Variants in ESRP1 observed in about 807,000 individuals in gnomAD.
The protein encoded by ESRP1 is RNA-binding motif protein 35A.
Under a neutral mutation model 81.7 loss-of-function variants are expected in ESRP1, and 33 were observed. That is an observed-to-expected ratio of 0.40 (90% CI 0.31 to 0.54). The LOEUF (loss-of-function observed/expected upper bound fraction) is 0.54. Among genes scored for constraint, ESRP1 ranks in the 20% least tolerant of loss-of-function variants. ESRP1 has a pLI of 0.41. For synonymous variants in ESRP1, 320 were observed against 303.3 expected, an observed-to-expected ratio of 1.06 and a Z score of -0.57; for missense variants, 672 against 833.1, an observed-to-expected ratio of 0.81 and a Z score of 2.38.
At chr8:94,700,696 G>A (rs1809788090) in intron 15 of ESRP1, among the ~76,000 whole-genome samples, 1 of 152,174 alleles carries the variant, frequency 6.6e-6, no homozygotes, top group Non-Finnish European at 1.5e-5. Context: ...TTGGGAGGCT[G>A]AGGCGGGCGG....
Position 94,668,131 on chromosome 8 carries a change from G to T in ESRP1, c.1114G>T (p.Asp372Tyr), listed in dbSNP as rs1270546828. 1 of 1,614,034 alleles carries T rather than the reference G, an allele frequency of 6.2e-7. No homozygotes were observed. The highest frequency in any genetic ancestry group is 1.7e-5 in the Admixed American group (1 of 60,016). The change falls in exon 10 of 16, where the codon GAC becomes TAC. Residue 372 changes from aspartate to tyrosine, a missense_variant. Transcript: ENST00000433389. ...CTACCCAGATGGTAGGCCAACAGGG[G>T]ACGCTTTTGTCCTCTTTGCCTGTGA... ...VTYPDGRPTG[D>Y]AFVLFACEEY...
At chr8:94,644,471 T>C (rs3133631) in intron 3 of ESRP1, among the ~76,000 whole-genome samples, 149,388 of 152,326 alleles carry the variant, frequency 0.98, 73,325 homozygotes, top group East Asian at 1. Context: ...CAGAAAATCA[T>C]TCCTTTTATA....
Position 94,668,027 on chromosome 8 carries a change from C to A in ESRP1, c.1010C>A (p.Ala337Asp). The part of the protein sequence containing the change: ...IVRMRGLPFT[A>D]TAEEVVAFFG... Reference sequence around the variant, plus strand: ...CGCATGCGGGGGCTCCCTTTCACGGCCACAGCTGAAGAAGTGGTGGCCTTC... The same window carrying A: ...CGCATGCGGGGGCTCCCTTTCACGGACACAGCTGAAGAAGTGGTGGCCTTC... The change falls in exon 10 of 16, where the codon GCC becomes GAC. Residue 337 changes from alanine to aspartate, a missense_variant. Physicochemically the swap from Ala to Asp is moderately radical, Grantham distance 126. Coordinates refer to ENST00000433389, the MANE Select transcript of ESRP1 (RefSeq NM_017697.4). 1 of 1,613,846 alleles carries A rather than the reference C, an allele frequency of 6.2e-7. No homozygotes were observed. Among genetic ancestry groups the A allele is most frequent in the Non-Finnish European group, 8.5e-7 (1 of 1,179,794 alleles).
chr8:94,704,175 C>CTTT (rs34541416), intron 15 of ESRP1, among the ~76,000 whole-genome samples: 66,213 of 128,636 alleles, frequency 0.51, 18,487 homozygotes, highest in African/African-American at 0.7. Context: ...GCTTCTGAGA[C>CTTT]TTTTTTTTTT....
intron 14 of ESRP1, 27 bp from the exon 15 acceptor site, chr8:94,696,825 T>C: frequency 6.6e-7 from 1 of 1,513,774 alleles, no homozygotes; most frequent in Non-Finnish European, 9.0e-7. Flanking sequence ...CGTCTTTTGA[T>C]CTTGTTTGTT....
intron 4 of ESRP1, among the ~76,000 whole-genome samples, chr8:94,653,774 T>C (rs2130569132): frequency 6.6e-6 from 1 of 151,470 alleles, no homozygotes; most frequent in Non-Finnish European, 1.5e-5. Flanking sequence ...CACCGAATCC[T>C]CATTGGTACT....
chr8:94,642,482 G>A (rs530859676), intron 2 of ESRP1, among the ~76,000 whole-genome samples: 1 of 152,246 alleles, frequency 6.6e-6, no homozygotes, highest in Non-Finnish European at 1.5e-5. Context: ...GCGCTGTGGC[G>A]TAGACGTGCA....
intron 4 of ESRP1, among the ~76,000 whole-genome samples, chr8:94,652,010 T>TTTTGA (rs1216503816): frequency 1.4e-5 from 2 of 141,344 alleles, no homozygotes; most frequent in African/African-American, 5.7e-5. Flanking sequence ...TTTTTTTTTT[T>TTTTGA]GACAGAGTTT....
At position 94,646,282 on chromosome 8, in the gene ESRP1, T is replaced by G; in HGVS notation, c.490T>G (p.Tyr164Asp). 1 of 1,574,520 alleles carries G rather than the reference T, an allele frequency of 6.4e-7. No homozygotes were observed. The highest frequency in any genetic ancestry group is 8.7e-7 in the Non-Finnish European group (1 of 1,147,700). ...ACTGGACGTTGCCACAATGACAGAG[T>G]GTATCCTTTAAATCATTACTCAAGA... is the stretch of plus-strand genomic sequence containing the variant. The part of the protein sequence containing the change: ...DKLDVATMTE[Y>D]LNFEKSSSVS... The change falls in exon 4 of 16, where the codon TAT (tyrosine) becomes GAT (aspartate). Residue 164 changes from tyrosine to aspartate, a missense_variant and splice_region_variant. Tyr to Asp is a radical substitution (Grantham distance 160). Transcript: ENST00000433389.
chr8:94,654,828 G>A (rs1175623438), intron 4 of ESRP1, among the ~76,000 whole-genome samples: 1 of 151,908 alleles, frequency 6.6e-6, no homozygotes, highest in African/African-American at 2.4e-5. Flanking sequence ...CTACTTGGGA[G>A]GCTGAGGTGG....
At chr8:94,658,729 T>C (rs1818563015) in intron 4 of ESRP1, among the ~76,000 whole-genome samples, 2 of 152,350 alleles carry the variant, frequency 1.3e-5, no homozygotes, top group African/African-American at 4.8e-5. Context: ...GCATCCTTTG[T>C]ATCTGGCCAT....
chr8:94,682,419 T>G (rs1002684621), intron 13 of ESRP1, among the ~76,000 whole-genome samples: 1 of 152,148 alleles, frequency 6.6e-6, no homozygotes, highest in African/African-American at 2.4e-5. Context: ...CAGGGCAGAG[T>G]GCAGTGGCGC....
chr8:94,701,046 G>A (rs1299559904), intron 15 of ESRP1, among the ~76,000 whole-genome samples: 1 of 151,848 alleles, frequency 6.6e-6, no homozygotes, highest in African/African-American at 2.4e-5. Flanking sequence ...GCTGAAGCAG[G>A]TGGATCATCT....
chr8:94,656,101 A>G (rs755190249), intron 4 of ESRP1: 8 of 151,648 alleles, frequency 5.3e-5, no homozygotes, highest in Non-Finnish European at 1.2e-4. Flanking sequence ...ACTGTCCCAG[A>G]AACAGAGCAG....
intron 11 of ESRP1, among the ~76,000 whole-genome samples, chr8:94,672,308 T>C (rs1024140868): frequency 1.3e-5 from 2 of 152,298 alleles, no homozygotes; most frequent in African/African-American, 4.8e-5. Context: ...GTGTGGATCA[T>C]AACAGGCTCT....
Position 94,692,725 on chromosome 8 carries a change from T to C in ESRP1, c.1869T>C (p.Asn623=). 6.2e-7 allele frequency: 1 copy of C among 1,613,994 alleles called. No homozygotes were observed. The highest frequency in any genetic ancestry group is 8.5e-7 in the Non-Finnish European group (1 of 1,179,880). ...TTGGCTACTTCCCTACAGCTGCTAATCTTAGCGGTGTCCCTCCACAGCCTG... is the reference window on the plus strand; with the variant it reads ...TTGGCTACTTCCCTACAGCTGCTAACCTTAGCGGTGTCCCTCCACAGCCTG... ...NSLGYFPTAA[N]LSGVPPQPGT... The change falls in exon 14 of 16, where the codon AAT becomes AAC. Residue 623 remains asparagine (N), a synonymous_variant. Transcript: ENST00000433389.
chr8:94,663,736 G>A (rs1818874455), intron 6 of ESRP1, among the ~76,000 whole-genome samples: 1 of 152,160 alleles, frequency 6.6e-6, no homozygotes, highest in Non-Finnish European at 1.5e-5. Context: ...TAGTTGTGGA[G>A]AAAGTGACTT....
intron 13 of ESRP1, chr8:94,688,266 G>A (rs1347763753): frequency 6.0e-6 from 1 of 166,104 alleles, no homozygotes; most frequent in Non-Finnish European, 1.3e-5. Context: ...GCTCTTAAGA[G>A]CATCAACAAT....
intron 3 of ESRP1, among the ~76,000 whole-genome samples, chr8:94,645,604 A>G (rs185774126): frequency 6.6e-6 from 1 of 152,312 alleles, no homozygotes; most frequent in Non-Finnish European, 1.5e-5. Flanking sequence ...GTTCACAGGT[A>G]CAGCTACAAT....
Sources: gnomAD v4.1 joint callset for allele counts (sites outside exome capture counted in the v4.1 genomes callset) on GRCh38, gnomAD v4.1.1 for gene constraint, MANE v1.5 for transcripts, NCBI Gene and HGNC (gene_info 2026-07-23, HGNC 2026-07-21) for gene names.